TAF8: variants seen among roughly 807,000 people sequenced by gnomAD.
TAF8 encodes transcription initiation factor TFIID subunit 8.
A neutral mutation model predicts 36.5 loss-of-function variants in TAF8; 47 were observed. The ratio of observed to expected loss-of-function variants is 1.29; its 90% CI spans 1.02 to 1.64. The LOEUF is 1.64. Ranked by LOEUF, TAF8 falls within the 40% of genes most tolerant of loss-of-function variation. The pLI, the probability that TAF8 is intolerant of heterozygous loss-of-function variation, is 0.00. For synonymous variants in TAF8, 175 were observed against 159.5 expected, an observed-to-expected ratio of 1.10 and a Z score of -0.73; for missense variants, 420 against 407.6, an observed-to-expected ratio of 1.03 and a Z score of -0.26.
In TAF8 at chr6:42,077,205, C is replaced by T. The variant is rs1335967843; in HGVS notation, c.886C>T (p.Arg296Trp). Residue 296 changes from arginine to tryptophan, a missense_variant, in exon 8 of 9, where the codon CGG becomes TGG. Physicochemically the swap from Arg to Trp is moderately radical, Grantham distance 101. Coordinates refer to ENST00000372977, the MANE Select transcript of TAF8 (RefSeq NM_138572.3). Reference sequence around the variant, plus strand: ...GAACATCATCGATAACCCTTATCTGCGGCCGGTGAAGAAGCCCAAGATCCG... The same window carrying T: ...GAACATCATCGATAACCCTTATCTGTGGCCGGTGAAGAAGCCCAAGATCCG... The part of the protein sequence containing the change: ...EENIIDNPYL[R>W]PVKKPKIRRK... 4.3e-6 allele frequency: 7 copies of T among 1,613,806 alleles called. No homozygotes were observed. Among genetic ancestry groups the T allele is most frequent in the African/African-American group, 1.3e-5 (1 of 74,908 alleles).
rs1008230725 is a variant in TAF8 at position 42,080,153 on chromosome 6, A to T, written c.*2608A>T. On this transcript the variant is annotated 3_prime_UTR_variant, in exon 9 of 9. Transcript: ENST00000372977. ...TAGCGATTCTTGGCCTGATAAGTTT[A>T]TGAACACAGCCCCACATTCAAGCCG... 4 of 985,378 alleles carry T rather than the reference A, an allele frequency of 4.1e-6. No individual in the cohort carries two copies. The highest frequency in any genetic ancestry group is 4.8e-6 in the Non-Finnish European group (4 of 829,952). 61.0% of individuals were successfully genotyped at this position (985,378 alleles called of 1,614,324 possible). A position where few individuals can be genotyped will look rare whatever the true frequency, so the allele number is the denominator to read the frequency against.
intron 7 of TAF8, 64 bp downstream of exon 7, chr6:42,068,671 G>A: frequency 6.3e-7 from 1 of 1,587,432 alleles, no homozygotes. Flanking sequence ...CCCTCAGTCT[G>A]TCACCCTGGG....
At position 42,057,387 on chromosome 6, in the gene TAF8, A is replaced by G; in HGVS notation, c.365-2A>G. The G allele has an allele frequency of 6.2e-7, 1 of 1,614,070 alleles. No individual in the cohort carries two copies. Among genetic ancestry groups the G allele is most frequent in the South Asian group, 1.1e-5 (1 of 91,082 alleles). On this transcript the variant is annotated splice_acceptor_variant, in intron 4 of 8. Coordinates refer to ENST00000372977, the MANE Select transcript of TAF8 (RefSeq NM_138572.3). LOFTEE classifies it high-confidence loss of function. Reference sequence around the variant, plus strand: ...GGGTAATCAGTTGTGACTCTGTTGCAGCTCCGGTGACCAATCAGCCAGTGA... The same window carrying G: ...GGGTAATCAGTTGTGACTCTGTTGCGGCTCCGGTGACCAATCAGCCAGTGA...
chr6:42,079,294 G>T lies in TAF8; in HGVS notation c.*1749G>T. On this transcript the variant is annotated 3_prime_UTR_variant, in exon 9 of 9. Transcript: ENST00000372977. ...AAGCTGAGGCGTTCTGCAAGAAGCA[G>T]GTCTGAGTCTGTCCAACCAATTTGT... The T allele has an allele frequency of 2.0e-6, 2 of 985,474 alleles. No individual in the cohort carries two copies. Among genetic ancestry groups the T allele is most frequent in the Non-Finnish European group, 2.4e-6 (2 of 829,952 alleles). 61.0% of individuals were successfully genotyped at this position (985,474 alleles called of 1,614,324 possible). A position where few individuals can be genotyped will look rare whatever the true frequency, so the allele number is the denominator to read the frequency against.
chr6:42,086,706 C>T (rs754414359), downstream of TAF8: 2 of 1,551,084 alleles, frequency 1.3e-6, no homozygotes, highest in East Asian at 2.4e-5. Flanking sequence ...TTTTTTCACC[C>T]TACGTTCCTC....
chr6:42,076,613 T>C (rs1232730418), intron 7 of TAF8, among the ~76,000 whole-genome samples: 1 of 152,212 alleles, frequency 6.6e-6, no homozygotes, highest in Non-Finnish European at 1.5e-5. Flanking sequence ...ATGTTGCAAG[T>C]ACCAGAAATG....
chr6:42,074,266 G>A (rs1765677244), intron 7 of TAF8, among the ~76,000 whole-genome samples: 1 of 152,142 alleles, frequency 6.6e-6, no homozygotes, highest in African/African-American at 2.4e-5. Context: ...TCAGACTTAG[G>A]TGCCTGAAGT....
chr6:42,063,667 G>A (rs1349695332), intron 5 of TAF8: 1 of 152,070 alleles, frequency 6.6e-6, no homozygotes, highest in South Asian at 2.1e-4. Flanking sequence ...TTGTCTTTCT[G>A]TGGTGCTCAA....
At chr6:42,066,160 C>G (rs1765353393) in intron 5 of TAF8, 152 bp from the exon 6 acceptor site, 4 of 922,500 alleles carry the variant, frequency 4.3e-6, no homozygotes, top group Non-Finnish European at 6.4e-6. Flanking sequence ...CTTGGCCTCC[C>G]AAAGTGCTGG....
chr6:42,053,586 AAAG>A (rs1325407151), intron 2 of TAF8, among the ~76,000 whole-genome samples: 17 of 151,816 alleles, frequency 1.1e-4, no homozygotes, highest in Admixed American at 2.6e-4. Context: ...AAAGAAAAAA[AAAG>A]AAGAAGAAAT....
rs1255118455 is a variant in TAF8, at chr6:42,050,547, C to T, written c.6C>T (p.Ala2=). The part of the protein sequence containing the change: M[A]DAAATAGAGG... ...GCACACTACGCCAGAACAAGATGGCCGACGCGGCGGCCACAGCTGGGGCCG... is the reference window on the plus strand; with the variant it reads ...GCACACTACGCCAGAACAAGATGGCTGACGCGGCGGCCACAGCTGGGGCCG... The change falls in exon 1 of 9, where the codon GCC becomes GCT. Residue 2 remains alanine, a synonymous_variant. Coordinates refer to ENST00000372977, the MANE Select transcript of TAF8 (RefSeq NM_138572.3). 2.6e-6 allele frequency: 4 copies of T among 1,555,202 alleles called. No homozygotes were observed. The highest frequency in any genetic ancestry group is 2.4e-5 in the East Asian group (1 of 41,628).
At chr6:42,073,993 T>A (rs1765671013) in intron 7 of TAF8, among the ~76,000 whole-genome samples, 1 of 151,884 alleles carries the variant, frequency 6.6e-6, no homozygotes, top group African/African-American at 2.4e-5. Flanking sequence ...GGGATGTCAG[T>A]GAAGGAAAAG....
intron 7 of TAF8, 144 bp downstream of exon 7, chr6:42,068,751 A>G: frequency 1.1e-6 from 1 of 939,140 alleles, no homozygotes; most frequent in Non-Finnish European, 1.6e-6. Context: ...TTGCGTGATG[A>G]TCCAGATGTG....
chr6:42,051,145 G>T lies in TAF8; in HGVS notation c.46-212G>T, dbSNP rs11967378. 324,817 of 1,274,428 alleles carry T rather than the reference G, an allele frequency of 0.25. 42,677 individuals are homozygous for T. The highest frequency in any genetic ancestry group is 0.36 in the South Asian group (17,126 of 47,804). 78.9% of individuals were successfully genotyped at this position (1,274,428 alleles called of 1,614,324 possible). A position where few individuals can be genotyped will look rare whatever the true frequency, so the allele number is the denominator to read the frequency against. On this transcript the variant is annotated intron_variant, in intron 1 of 8. Transcript: ENST00000372977. Reference sequence around the variant, plus strand: ...CTATTTTATCTCATTGGGACTGTACGTTTTAGGTAAGCGGAGAAGTGGTCT... The same window carrying T: ...CTATTTTATCTCATTGGGACTGTACTTTTTAGGTAAGCGGAGAAGTGGTCT...
chr6:42,050,552 C>G lies in TAF8; in HGVS notation c.11C>G (p.Ala4Gly), dbSNP rs573020143. Reference sequence around the variant, plus strand: ...CTACGCCAGAACAAGATGGCCGACGCGGCGGCCACAGCTGGGGCCGGTGGC... The same window carrying G: ...CTACGCCAGAACAAGATGGCCGACGGGGCGGCCACAGCTGGGGCCGGTGGC... MAD[A>G]AATAGAGGSG... The change falls in exon 1 of 9, where the codon GCG becomes GGG. Residue 4 changes from alanine (A) to glycine (G), a missense_variant. Transcript: ENST00000372977. The G allele has an allele frequency of 1.9e-6, 3 of 1,555,902 alleles. No homozygotes were observed. Among genetic ancestry groups the G allele is most frequent in the Middle Eastern group, 1.7e-4 (1 of 5,988 alleles).
rs1764941855 is a variant in TAF8 at position 42,055,420 on chromosome 6, C to CAGA, written c.203-109_203-108insAAG. 4 of 720,496 alleles carry CAGA rather than the reference C, an allele frequency of 5.6e-6. No homozygotes were observed. The East Asian group carries it at 1.0e-4, about 19-fold the overall frequency. The allele number at this position is 720,496 out of a possible 1,614,324, so 44.6% of individuals were successfully genotyped here. On this transcript the variant is annotated intron_variant, in intron 2 of 8. Coordinates refer to ENST00000372977, the MANE Select transcript of TAF8 (RefSeq NM_138572.3). ...TAGTAGCTTTTCGAATCCCTGCTTTCAGTTCATTTATGTATATACCTAGGA... is the reference window on the plus strand; with the variant it reads ...TAGTAGCTTTTCGAATCCCTGCTTTCAGAAGTTCATTTATGTATATACCTAGGA...
downstream of TAF8, chr6:42,086,801 C>A (rs1766036244): frequency 1.3e-6 from 2 of 1,505,978 alleles, no homozygotes; most frequent in Admixed American, 2.0e-5. Flanking sequence ...AGGAGAGCAG[C>A]CACAAAGGTC....
intron 7 of TAF8, among the ~76,000 whole-genome samples, chr6:42,072,952 C>T (rs997516947): frequency 4.0e-5 from 6 of 151,526 alleles, no homozygotes; most frequent in Non-Finnish European, 7.4e-5. Context: ...CTCGATCTCC[C>T]GACCTCGTGA....
intron 7 of TAF8, among the ~76,000 whole-genome samples, chr6:42,075,707 G>A (rs552344596): frequency 1.3e-5 from 2 of 152,266 alleles, no homozygotes; most frequent in South Asian, 2.1e-4. Context: ...ACCAGGGGGC[G>A]CAGCCCGACC....
Sources: allele counts gnomAD v4.1 joint callset (sites outside exome capture counted in the v4.1 genomes callset), GRCh38; gene constraint gnomAD v4.1.1; transcripts MANE v1.5; gene names NCBI Gene and HGNC (gene_info 2026-07-23, HGNC 2026-07-21).